Variants in ROBO2 observed in about 807,000 individuals in gnomAD.
ROBO2 encodes roundabout homolog 2.
Under a neutral mutation model 160.8 loss-of-function variants are expected in ROBO2, and 53 were observed. That is an observed-to-expected ratio of 0.33 (90% CI 0.26 to 0.41). ROBO2 has a LOEUF of 0.41. Ranked by LOEUF, ROBO2 falls within the 10% of genes least tolerant of loss-of-function variation. The probability of loss-of-function intolerance (pLI) is 1.00; values close to 1 mark genes in which losing one functional copy is unlikely to be tolerated. For synonymous variants in ROBO2, 664 were observed against 611.7 expected, an observed-to-expected ratio of 1.09 and a Z score of -1.26; for missense variants, 1,577 against 1,722.4, an observed-to-expected ratio of 0.92 and a Z score of 1.49.
intron 2 of ROBO2, among the ~76,000 whole-genome samples, chr3:77,117,818 G>A (rs1235112972): frequency 6.6e-6 from 1 of 152,042 alleles, no homozygotes; most frequent in Non-Finnish European, 1.5e-5. Flanking sequence ...TTTCTGATGA[G>A]CCTACATTTA....
rs542280937 is a variant in ROBO2 at position 77,090,323 on chromosome 3, CTTTTTTTTTTTTTTTTTTTTTTTTTTTTT to C, written c.62-7671_62-7643del. On this transcript the variant is annotated intron_variant, in intron 1 of 25. Transcript: ENST00000461745. ...ATTTCTTTTAATCTTCTAAACCACT[CTTTTTTTTTTTTTTTTTTTTTTTTTTTTT>C]TTTTTTTTTTTTTTTTTTTGAGACG... Among the ~76,000 whole-genome samples, 294 of 70,738 alleles carry C rather than the reference CTTTTTTTTTTTTTTTTTTTTTTTTTTTTT, an allele frequency of 4.2e-3. 7 individuals are homozygous for C. The highest frequency in any genetic ancestry group is 0.01 in the East Asian group (30 of 2,924). 46.4% of individuals were successfully genotyped at this position (70,738 alleles called of 152,430 possible).
At chr3:76,426,929 G>A (rs2076244376) in intron 2 of ROBO2, among the ~76,000 whole-genome samples, 1 of 152,126 alleles carries the variant, frequency 6.6e-6, no homozygotes, top group African/African-American at 2.4e-5. Flanking sequence ...TCGTGATGGT[G>A]AGAGCATCAC....
chr3:77,387,141 C>T (rs1200195702), intron 2 of ROBO2, among the ~76,000 whole-genome samples: 2 of 151,762 alleles, frequency 1.3e-5, no homozygotes, highest in Non-Finnish European at 2.9e-5. Context: ...TGTGATGCCA[C>T]CCATTTTTAC....
chr3:77,623,692 A>G (rs775426112), intron 23 of ROBO2, among the ~76,000 whole-genome samples: 1 of 152,210 alleles, frequency 6.6e-6, no homozygotes, highest in Non-Finnish European at 1.5e-5. Flanking sequence ...AAATGCAGAG[A>G]GCTGACTTAT....
chr3:76,092,825 A>C (rs2069287621), intron 2 of ROBO2, among the ~76,000 whole-genome samples: 1 of 152,234 alleles, frequency 6.6e-6, no homozygotes, highest in Admixed American at 6.5e-5. Flanking sequence ...AATCAGTAGA[A>C]AAATGCAAAC....
At position 77,255,195 on chromosome 3, in the gene ROBO2, A is replaced by G. The variant is rs528488546; in HGVS notation, c.388+156855A>G. Among the ~76,000 whole-genome samples the G allele has an allele frequency of 2.6e-5, 4 of 152,324 alleles. No individual in the cohort carries two copies. In the East Asian group the frequency reaches 5.8e-4, roughly 22 times the overall value. ...AACAAAAATCTATTTGGAGGTTTTG[A>G]AATCAAATTAAGTTACATGAGTCCA... On this transcript the variant is annotated intron_variant, in intron 2 of 25. Coordinates refer to ENST00000461745, the Ensembl canonical transcript of ROBO2.
intron 2 of ROBO2, among the ~76,000 whole-genome samples, chr3:76,485,260 A>G (rs148484603): frequency 7.2e-5 from 11 of 152,088 alleles, no homozygotes; most frequent in African/African-American, 2.7e-4. Flanking sequence ...GATGGGAGAC[A>G]GTGACAGATC....
rs2087832235 is a variant in ROBO2, at chr3:76,608,520, G to A, written c.110-489494G>A. ...AGACCAGTGGTTCTCAACTAGGATG[G>A]TTTGGACAATCACTTTGTTGATTGT... On this transcript the variant is annotated intron_variant, in intron 2 of 26. Transcript: ENST00000487694. Among the ~76,000 whole-genome samples the A allele has an allele frequency of 2.6e-5, 4 of 152,150 alleles. 1 individual carries two copies. The South Asian group carries it at 8.3e-4, about 32-fold the overall frequency.
chr3:77,248,789 T>A (rs1196412281), intron 2 of ROBO2, among the ~76,000 whole-genome samples: 1 of 151,876 alleles, frequency 6.6e-6, no homozygotes, highest in Non-Finnish European at 1.5e-5. Context: ...TTTTTTTTTT[T>A]TTTTTTGAAG....
chr3:76,453,208 T>C (rs2077567006), intron 2 of ROBO2, among the ~76,000 whole-genome samples: 1 of 152,242 alleles, frequency 6.6e-6, no homozygotes, highest in Admixed American at 6.5e-5. Flanking sequence ...TTTTGGCTTT[T>C]GTTGCCATTG....
At chr3:76,614,590 T>G (rs1029045530) in intron 2 of ROBO2, among the ~76,000 whole-genome samples, 1 of 152,120 alleles carries the variant, frequency 6.6e-6, no homozygotes, top group Non-Finnish European at 1.5e-5. Flanking sequence ...TTAGGCATAT[T>G]TATTAGCTAC....
chr3:77,561,585 G>A (rs1175571720), intron 9 of ROBO2, among the ~76,000 whole-genome samples: 1 of 152,052 alleles, frequency 6.6e-6, no homozygotes, highest in Non-Finnish European at 1.5e-5. Flanking sequence ...ACTCTTCTGA[G>A]AATAATAAAA....
intron 2 of ROBO2, among the ~76,000 whole-genome samples, chr3:76,456,791 G>T (rs2077782679): frequency 6.6e-6 from 1 of 152,168 alleles, no homozygotes; most frequent in Non-Finnish European, 1.5e-5. Flanking sequence ...GTTCCACATG[G>T]CTGGGAAGGC....
intron 13 of ROBO2, among the ~76,000 whole-genome samples, 174 bp from the exon 15 acceptor site, chr3:77,574,325 T>C (rs1024759624): frequency 2.6e-5 from 4 of 152,038 alleles, no homozygotes; most frequent in African/African-American, 9.7e-5. Flanking sequence ...AGGAGCAATC[T>C]GAACTCTAAA....
At chr3:77,162,560 G>C (rs139931673) in intron 2 of ROBO2, among the ~76,000 whole-genome samples, 34 of 152,252 alleles carry the variant, frequency 2.2e-4, no homozygotes, top group African/African-American at 7.5e-4. Flanking sequence ...GTGAGTTCTG[G>C]AAACTTACAT....
At chr3:76,280,940 G>A (rs1708198730) in intron 2 of ROBO2, among the ~76,000 whole-genome samples, 1 of 151,802 alleles carries the variant, frequency 6.6e-6, no homozygotes, top group African/African-American at 2.4e-5. Context: ...TTGTTGGTGG[G>A]AATATGTACT....
intron 2 of ROBO2, among the ~76,000 whole-genome samples, chr3:77,423,476 A>T (rs192557152): frequency 6.6e-6 from 1 of 152,330 alleles, no homozygotes; most frequent in African/African-American, 2.4e-5. Context: ...GCCAGTTTTC[A>T]ACTGTTTTGA....
intron 2 of ROBO2, among the ~76,000 whole-genome samples, chr3:76,335,173 G>GTTTTTTTTTTTTTTTTTTTTTTT (rs2073783018): frequency 1.1e-5 from 1 of 94,190 alleles, no homozygotes; most frequent in Admixed American, 1.2e-4. Context: ...AAACTTTTCT[G>GTTTTTTTTTTTTTTTTTTTTTTT]TTTTGTTTTT....
At chr3:76,444,722 C>A (rs181391717) in intron 2 of ROBO2, among the ~76,000 whole-genome samples, 78 of 152,226 alleles carry the variant, frequency 5.1e-4, no homozygotes, top group Admixed American at 1.4e-3. Flanking sequence ...AGTTTTTATT[C>A]AAGATGATAT....
Sources: gnomAD v4.1 joint callset for allele counts (sites outside exome capture counted in the v4.1 genomes callset) on GRCh38, gnomAD v4.1.1 for gene constraint, MANE v1.5 for transcripts, NCBI Gene and HGNC (gene_info 2026-07-23, HGNC 2026-07-21) for gene names.